Variants in ENPP5 observed in about 807,000 individuals in gnomAD.
ENPP5 encodes ectonucleotide pyrophosphatase/phosphodiesterase family member 5, also known as E-NPP 5.
ENPP5 carries 27 observed loss-of-function variants against 33.7 expected under a neutral mutation model. The observed-to-expected ratio is 0.80, with a 90% CI of 0.59 to 1.11. ENPP5 has a LOEUF of 1.11. Ranked by LOEUF, ENPP5 falls within the 50% of genes least tolerant of loss-of-function variation. ENPP5 has a pLI of 0.00. For synonymous variants in ENPP5, 199 were observed against 200.5 expected (o/e 0.99, Z 0.06); for missense variants, 552 against 579.2 (o/e 0.95, Z 0.48).
In ENPP5 at chr6:46,167,470, C is replaced by A; in HGVS notation, c.793G>T (p.Asp265Tyr). 1 of 1,609,866 alleles carries A rather than the reference C, an allele frequency of 6.2e-7. No homozygotes were observed. The highest frequency in any genetic ancestry group is 1.7e-5 in the Admixed American group (1 of 59,942). Residue 265 changes from aspartate to tyrosine, a missense_variant, in exon 3 of 5, where the codon GAT becomes TAT. Asp to Tyr is a radical substitution (Grantham distance 160, BLOSUM62 -3). Coordinates refer to ENST00000371383, the MANE Select transcript of ENPP5 (RefSeq NM_001290072.2). ...AAGATGGCTGCTACTGGAGATTGAT[C>A]AATCAGGGTATAGTGGTCTTTATCC... ...YLDKDHYTLI[D>Y]QSPVAAILPK...
intron 1 of ENPP5, among the ~76,000 whole-genome samples, chr6:46,170,416 G>A (rs1480274505): frequency 6.6e-6 from 1 of 151,634 alleles, no homozygotes; most frequent in African/African-American, 2.4e-5. Flanking sequence ...TGCACAAAAT[G>A]CTGCACAAAA....
At position 46,165,493 on chromosome 6, in the gene ENPP5, G is replaced by C. The variant is rs368079670; in HGVS notation, c.900C>G (p.Asp300Glu). ...HPNLTVYKKE[D>E]VPERWHYKYN... The stretch of plus-strand genomic sequence containing the variant: ...ATTTGTAATGCCACCTTTCTGGAAC[G>C]TCTTCTTTTTTGTAAACAGTAAGAT... Residue 300 changes from aspartate to glutamate, a missense_variant, in exon 4 of 5, where the codon GAC becomes GAG. Transcript: ENST00000371383. 7 of 1,611,166 alleles carry C rather than the reference G, an allele frequency of 4.3e-6. No individual in the cohort carries two copies. In the South Asian group the frequency reaches 6.6e-5, roughly 15 times the overall value.
chr6:46,160,559 A>G lies in ENPP5; in HGVS notation c.*767T>C, dbSNP rs1764357824. The stretch of plus-strand genomic sequence containing the variant: ...AAAGTATATTCATGGTGTCTTCATT[A>G]TTATGAAAATCACAGTAATATGACT... On this transcript the variant is annotated 3_prime_UTR_variant, in exon 5 of 5. Transcript: ENST00000371383. The G allele has an allele frequency of 6.6e-6, 1 of 152,194 alleles. No individual in the cohort carries two copies. The highest frequency in any genetic ancestry group is 2.1e-4 in the South Asian group (1 of 4,832). 9.4% of individuals were successfully genotyped at this position (152,194 alleles called of 1,614,324 possible). A position where few individuals can be genotyped will look rare whatever the true frequency, so the allele number is the denominator to read the frequency against.
At chr6:46,168,472 G>T (rs939544559) in intron 2 of ENPP5, among the ~76,000 whole-genome samples, 175 bp from the exon 3 acceptor site, 4 of 152,144 alleles carry the variant, frequency 2.6e-5, no homozygotes, top group Non-Finnish European at 5.9e-5. Flanking sequence ...GAATAATAAA[G>T]CTAATAAGTT....
At chr6:46,162,685 A>G (rs1406614079) in intron 4 of ENPP5, among the ~76,000 whole-genome samples, 1 of 152,206 alleles carries the variant, frequency 6.6e-6, no homozygotes, top group African/African-American at 2.4e-5. Flanking sequence ...TCGAAAAGTC[A>G]TAAACTGACC....
intron 3 of ENPP5, among the ~76,000 whole-genome samples, chr6:46,166,829 C>A (rs1445459779): frequency 1.3e-5 from 2 of 152,114 alleles, no homozygotes; most frequent in Non-Finnish European, 2.9e-5. Flanking sequence ...TTTGTGACCT[C>A]AGGATGTTAA....
chr6:46,168,277 A>G lies in ENPP5; in HGVS notation c.-15T>C, dbSNP rs1764619202. ...TTCGAAGTCATTTTCAAAGTACTTG[A>G]TCAGTTCAGTGTAAGATAATCTGTA... On this transcript the variant is annotated 5_prime_UTR_variant, in exon 3 of 5. Transcript: ENST00000371383. The G allele has an allele frequency of 6.8e-7, 1 of 1,470,720 alleles. No homozygotes were observed. The highest frequency in any genetic ancestry group is 9.4e-7 in the Non-Finnish European group (1 of 1,067,370). 91.1% of individuals were successfully genotyped at this position (1,470,720 alleles called of 1,614,324 possible).
At chr6:46,169,394 CTTTT>C (rs58296228) in intron 2 of ENPP5, among the ~76,000 whole-genome samples, 1 of 138,748 alleles carries the variant, frequency 7.2e-6, no homozygotes, top group Non-Finnish European at 1.6e-5. Flanking sequence ...CTGAAGACTT[CTTTT>C]TTTTTTTTTT....
At chr6:46,166,281 CCT>C (rs1230943452) in intron 3 of ENPP5, among the ~76,000 whole-genome samples, 1 of 150,074 alleles carries the variant, frequency 6.7e-6, no homozygotes, top group Non-Finnish European at 1.5e-5. Flanking sequence ...TCTCTTTCCC[CCT>C]CAGTCTCTCT....
chr6:46,161,455 T>G lies in ENPP5; in HGVS notation c.1305A>C (p.Ile435=). ...CTATAATGCTGCCAAGAGAGACCCCTATGAAATAAGGGTATGACCCCTCTT... is the reference window on the plus strand; with the variant it reads ...CTATAATGCTGCCAAGAGAGACCCCGATGAAATAAGGGTATGACCCCTCTT... ...YDQEGSYPYF[I]GVSLGSIIVI... is the part of the protein sequence containing the mutation. Residue 435 remains isoleucine (I), a synonymous_variant, in exon 5 of 5, where the codon ATA becomes ATC. Transcript: ENST00000371383. 3 of 1,614,020 alleles carry G rather than the reference T, an allele frequency of 1.9e-6. No homozygotes were observed. The highest frequency in any genetic ancestry group is 2.5e-6 in the Non-Finnish European group (3 of 1,179,878).
intron 4 of ENPP5, 50 bp from the exon 5 acceptor site, chr6:46,161,803 G>T (rs1450859608): frequency 7.4e-7 from 1 of 1,358,604 alleles, no homozygotes; most frequent in African/African-American, 1.4e-5. Context: ...CATTAAAATG[G>T]ACATAATTGT....
Position 46,165,506 on chromosome 6 carries a change from T to C in ENPP5, c.887A>G (p.Tyr296Cys), listed in dbSNP as rs758394697. 1 of 1,611,062 alleles carries C rather than the reference T, an allele frequency of 6.2e-7. No individual in the cohort carries two copies. Among genetic ancestry groups the C allele is most frequent in the East Asian group, 2.2e-5 (1 of 44,818 alleles). The change falls in exon 4 of 5, where the codon TAC (tyrosine) becomes TGC (cysteine). Residue 296 changes from tyrosine (Y) to cysteine (C), a missense_variant. Physicochemically the swap from Tyr to Cys is radical, Grantham distance 194 (BLOSUM62 -2). Transcript: ENST00000371383. The part of the protein sequence containing the change: ...LTHAHPNLTV[Y>C]KKEDVPERWH... ...CCTTTCTGGAACGTCTTCTTTTTTG[T>C]AAACAGTAAGATTAGGATGAGCGTG...
Position 46,168,064 on chromosome 6 carries a change from C to G in ENPP5, c.199G>C (p.Val67Leu), listed in dbSNP as rs137880284. Residue 67 changes from valine to leucine, a missense_variant, in exon 3 of 5, where the codon GTT (valine) becomes CTT (leucine). Coordinates refer to ENST00000371383, the MANE Select transcript of ENPP5 (RefSeq NM_001290072.2). ...TTAGGGTAGGTTTTTGTAATAAAAA[C>G]ATTAGTAACTTGCTTCACGTGAACA... ...YGVHVKQVTN[V>L]FITKTYPNHY... 1.9e-5 allele frequency: 31 copies of G among 1,613,868 alleles called. No homozygotes were observed. The African/African-American group carries it at 3.3e-4, about 17-fold the overall frequency.
chr6:46,163,718 T>C (rs1026366443), intron 4 of ENPP5, among the ~76,000 whole-genome samples: 11 of 152,120 alleles, frequency 7.2e-5, no homozygotes, highest in African/African-American at 2.2e-4. Context: ...TTTTTAATGA[T>C]TGCAATTCTA....
In ENPP5 at chr6:46,161,331, C is replaced by A; in HGVS notation, c.1429G>T (p.Ala477Ser). ...AAATCCACTTCAAAGTAACATTAGG[C>A]TTGTAATAATGGTTGAGCTATTTCA... ...HAEIAQPLLQ[A>S] The change falls in exon 5 of 5, where the codon GCC (alanine) becomes TCC (serine). Residue 477 changes from alanine to serine, a missense_variant. By Grantham distance (99) the Ala-to-Ser change is moderately conservative. Coordinates refer to ENST00000371383, the MANE Select transcript of ENPP5 (RefSeq NM_001290072.2). 6.2e-7 allele frequency: 1 copy of A among 1,608,632 alleles called. No homozygotes were observed. Among genetic ancestry groups the A allele is most frequent in the Non-Finnish European group, 8.5e-7 (1 of 1,176,858 alleles).
At chr6:46,161,844 A>G (rs1562067655) in intron 4 of ENPP5, 91 bp from the exon 5 acceptor site, 1 of 879,304 alleles carries the variant, frequency 1.1e-6, no homozygotes, top group Non-Finnish European at 1.8e-6. Context: ...TTAAATGCAC[A>G]TCTTATCTAG....
At chr6:46,161,794 A>G (rs1314974069) in intron 4 of ENPP5, 41 bp from the exon 5 acceptor site, 1 of 1,422,628 alleles carries the variant, frequency 7.0e-7, no homozygotes, top group Non-Finnish European at 9.7e-7. Flanking sequence ...CCAACTATGC[A>G]TTAAAATGGA....
chr6:46,165,306 A>C (rs1165699157), intron 4 of ENPP5, 81 bp downstream of exon 4: 1 of 1,004,052 alleles, frequency 1.0e-6, no homozygotes, highest in African/African-American at 1.7e-5. Flanking sequence ...TCAATCAATA[A>C]ACTGCTGTAT....
chr6:46,167,970 G>C lies in ENPP5; in HGVS notation c.293C>G (p.Pro98Arg), dbSNP rs1312837338. Residue 98 changes from proline (P) to arginine (R), a missense_variant, in exon 3 of 5, where the codon CCT becomes CGT. Physicochemically the swap from Pro to Arg is moderately radical, Grantham distance 103. Coordinates refer to ENST00000371383, the MANE Select transcript of ENPP5 (RefSeq NM_001290072.2). ...HGIVANDMFD[P>R]IRNKSFSLDH... ...CAAGGAGAAAGATTTGTTCCGAATAGGATCAAACATATCATTTGCAACAAT... is the reference window on the plus strand; with the variant it reads ...CAAGGAGAAAGATTTGTTCCGAATACGATCAAACATATCATTTGCAACAAT... 1 of 1,614,134 alleles carries C rather than the reference G, an allele frequency of 6.2e-7. No individual in the cohort carries two copies. Among genetic ancestry groups the C allele is most frequent in the Non-Finnish European group, 8.5e-7 (1 of 1,180,034 alleles).
Sources: allele counts gnomAD v4.1 joint callset (sites outside exome capture counted in the v4.1 genomes callset), GRCh38; gene constraint gnomAD v4.1.1; transcripts MANE v1.5; gene names NCBI Gene and HGNC (gene_info 2026-07-23, HGNC 2026-07-21).